FRMPD4: variants seen among roughly 807,000 people sequenced by gnomAD.
FRMPD4 encodes the protein FERM and PDZ domain-containing protein 4.
Under a neutral mutation model 94.1 loss-of-function variants are expected in FRMPD4, and 22 were observed. The observed-to-expected ratio is 0.23, with a 90% CI of 0.17 to 0.33. The LOEUF (loss-of-function observed/expected upper bound fraction) is 0.33. Ranked by LOEUF, FRMPD4 falls within the 10% of genes least tolerant of loss-of-function variation. The pLI is 1.00. For missense variants in FRMPD4, 1,111 were observed against 1,339.9 expected (o/e 0.83, Z 2.67); for synonymous variants, 631 against 548.6 (o/e 1.15, Z -2.10).
At chrX:12,381,320 G>A (rs1447429296) in intron 1 of FRMPD4, among the ~76,000 whole-genome samples, 1 of 112,265 alleles carries the variant, frequency 8.9e-6, no homozygotes, top group Non-Finnish European at 1.9e-5. Flanking sequence ...AACTGTAGAG[G>A]AGAGAATCAG....
At chrX:12,273,555 A>G (rs1294563626) in intron 1 of FRMPD4, among the ~76,000 whole-genome samples, 1 of 112,644 alleles carries the variant, frequency 8.9e-6, no homozygotes, top group African/African-American at 3.2e-5. Context: ...GTATATAATC[A>G]TATGATATGC....
chrX:12,527,358 C>A (rs1488124889), intron 2 of FRMPD4, among the ~76,000 whole-genome samples: 2 of 111,256 alleles, frequency 1.8e-5, no homozygotes, highest in Non-Finnish European at 3.8e-5. Context: ...TTTTTCCCTT[C>A]GTTAATTTAC....
chrX:12,556,542 G>C (rs2058597554), intron 2 of FRMPD4, among the ~76,000 whole-genome samples: 1 of 111,465 alleles, frequency 9.0e-6, no homozygotes, highest in African/African-American at 3.3e-5. Context: ...ATCACAGCCT[G>C]GCCAAAAACT....
At position 12,590,272 on chromosome X, in the gene FRMPD4, A is replaced by T. The variant is rs139029329; in HGVS notation, c.159-19449A>T. Among the ~76,000 whole-genome samples the T allele has an allele frequency of 3.6e-4, 40 of 112,512 alleles. No individual in the cohort carries two copies. In the East Asian group the frequency reaches 0.011, roughly 30 times the overall value. On this transcript the variant is annotated intron_variant, in intron 2 of 16. Coordinates refer to ENST00000675598, the MANE Select transcript of FRMPD4 (RefSeq NM_001368397.1). ...AAATATTGCTCACAAGCTTTAAAAA[A>T]TGCTAATTATCGACATTGCATTTTG...
At chrX:12,059,956 G>T (rs891012637) in intron 3 of FRMPD4, among the ~76,000 whole-genome samples, 1 of 111,669 alleles carries the variant, frequency 9.0e-6, no homozygotes, top group Non-Finnish European at 1.9e-5. Flanking sequence ...ACACTACTGG[G>T]TATCTATCCT....
intron 2 of FRMPD4, among the ~76,000 whole-genome samples, chrX:12,507,983 A>G (rs942863314): frequency 3.6e-5 from 4 of 112,151 alleles, no homozygotes; most frequent in Non-Finnish European, 7.5e-5. Context: ...CAGCCCAGTC[A>G]CAATGGAATG....
intron 3 of FRMPD4, among the ~76,000 whole-genome samples, chrX:11,914,205 T>C (rs187811936): frequency 8.9e-6 from 1 of 111,949 alleles, no homozygotes; most frequent in African/African-American, 3.2e-5. Context: ...ATTGATGGCA[T>C]ATTGCATCTG....
chrX:12,666,070 A>T (rs996372790), intron 4 of FRMPD4, among the ~76,000 whole-genome samples: 1 of 102,000 alleles, frequency 9.8e-6, no homozygotes, highest in Admixed American at 1.1e-4. Flanking sequence ...AAATAAAGGG[A>T]TGGAGGAATA....
rs892695558 is a variant in FRMPD4, at chrX:12,724,117, T to G, written c.*2259T>G. ...TCCTGACTGTGTGCAGAACACATTA[T>G]GTGTATTGCATATATGTAAAAGAAG... On this transcript the variant is annotated 3_prime_UTR_variant, in exon 17 of 17. Coordinates refer to ENST00000675598, the MANE Select transcript of FRMPD4 (RefSeq NM_001368397.1). The G allele has an allele frequency of 8.9e-6, 1 of 111,972 alleles. No homozygotes were observed. Among genetic ancestry groups the G allele is most frequent in the Non-Finnish European group, 1.9e-5 (1 of 53,213 alleles). 9.2% of individuals were successfully genotyped at this position (111,972 alleles called of 1,213,427 possible).
intron 1 of FRMPD4, among the ~76,000 whole-genome samples, chrX:11,840,990 C>T (rs764071996): frequency 4.3e-4 from 44 of 102,082 alleles, no homozygotes; most frequent in African/African-American, 1.0e-3. Flanking sequence ...TGAGAATATG[C>T]GGTGTTTGGT....
intron 1 of FRMPD4, among the ~76,000 whole-genome samples, chrX:12,191,372 G>A (rs1002440192): frequency 9.0e-5 from 10 of 111,676 alleles, no homozygotes; most frequent in African/African-American, 2.0e-4. Context: ...CTTACCATAC[G>A]ATCCAGCAAT....
intron 4 of FRMPD4, among the ~76,000 whole-genome samples, chrX:12,656,668 T>C (rs2059658929): frequency 8.9e-6 from 1 of 112,450 alleles, no homozygotes; most frequent in Non-Finnish European, 1.9e-5. Flanking sequence ...TGTTCTATGG[T>C]ATTAAAAATC....
At chrX:12,662,651 G>A (rs758986440) in intron 4 of FRMPD4, among the ~76,000 whole-genome samples, 3 of 112,223 alleles carry the variant, frequency 2.7e-5, no homozygotes, top group Admixed American at 1.9e-4. Flanking sequence ...GAACAGTGCC[G>A]CAATAAACAT....
At chrX:12,607,085 T>A (rs1436073169) in intron 2 of FRMPD4, among the ~76,000 whole-genome samples, 1 of 111,262 alleles carries the variant, frequency 9.0e-6, no homozygotes, top group Non-Finnish European at 1.9e-5. Context: ...CCCCACTTCT[T>A]CCCTGTGTCT....
intron 1 of FRMPD4, among the ~76,000 whole-genome samples, chrX:12,453,150 T>G (rs2057292606): frequency 8.9e-6 from 1 of 112,276 alleles, no homozygotes; most frequent in African/African-American, 3.2e-5. Context: ...TAAGGTGTTG[T>G]GTTTATCTCA....
chrX:12,246,200 C>T (rs922839964), intron 1 of FRMPD4, among the ~76,000 whole-genome samples: 7 of 112,044 alleles, frequency 6.2e-5, no homozygotes, highest in African/African-American at 2.3e-4. Context: ...AAGCCTGCTT[C>T]TCAGTTGGAT....
chrX:12,477,679 A>G (rs748691897), intron 1 of FRMPD4, among the ~76,000 whole-genome samples: 1 of 112,345 alleles, frequency 8.9e-6, no homozygotes, highest in African/African-American at 3.2e-5. Flanking sequence ...TTTAGCAACA[A>G]ATGAGTTTGC....
At chrX:12,698,636 A>C (rs1468472303) in intron 9 of FRMPD4, among the ~76,000 whole-genome samples, 3 of 110,287 alleles carry the variant, frequency 2.7e-5, no homozygotes, top group Admixed American at 9.7e-5. Context: ...TGGAATATAT[A>C]TATATGTTCC....
At chrX:11,941,255 G>A (rs1049762674) in intron 3 of FRMPD4, among the ~76,000 whole-genome samples, 7 of 52,235 alleles carry the variant, frequency 1.3e-4, no homozygotes, top group Non-Finnish European at 3.2e-4. Flanking sequence ...CTTCTGCGTC[G>A]CTCACGCTGG....
Sources: gnomAD v4.1 joint callset for allele counts (sites outside exome capture counted in the v4.1 genomes callset) on GRCh38, gnomAD v4.1.1 for gene constraint, MANE v1.5 for transcripts, NCBI Gene and HGNC (gene_info 2026-07-23, HGNC 2026-07-21) for gene names.